The following PWWP2A variants were observed in gnomAD, a reference collection of about 807,000 sequenced individuals.
PWWP2A encodes the protein PWWP domain containing 2A.
Under a neutral mutation model 48.5 loss-of-function variants are expected in PWWP2A, and 18 were observed. The ratio of observed to expected loss-of-function variants is 0.37; its 90% CI spans 0.26 to 0.55. The LOEUF (loss-of-function observed/expected upper bound fraction) is 0.55. Ranked by LOEUF, PWWP2A falls within the 20% of genes least tolerant of loss-of-function variation. The pLI is 0.81. For missense variants in PWWP2A, 867 were observed against 976.4 expected (o/e 0.89, Z 1.49); for synonymous variants, 396 against 387.7 (o/e 1.02, Z -0.25).
chr5:160,068,427 T>G (rs1473174010), intron 2 of PWWP2A, among the ~76,000 whole-genome samples: 3 of 151,730 alleles, frequency 2.0e-5, no homozygotes, highest in African/African-American at 7.3e-5. Context: ...TGGTGAAACC[T>G]CGTCTCTACT....
downstream of PWWP2A, among the ~76,000 whole-genome samples, chr5:160,071,942 T>A (rs1009538125): frequency 6.6e-6 from 1 of 152,208 alleles, no homozygotes; most frequent in South Asian, 2.1e-4. Context: ...TATCTGTGGA[T>A]ACTCTGTACT....
intron 1 of PWWP2A, among the ~76,000 whole-genome samples, chr5:160,107,923 C>A (rs1302166383): frequency 6.6e-6 from 1 of 152,018 alleles, no homozygotes; most frequent in African/African-American, 2.4e-5. Flanking sequence ...ATTGTTTGAA[C>A]CCGAAAGGCG....
chr5:160,058,568 GC>G (rs1757609812), downstream of PWWP2A, among the ~76,000 whole-genome samples: 1 of 151,952 alleles, frequency 6.6e-6, no homozygotes, highest in Non-Finnish European at 1.5e-5. Flanking sequence ...CCACCACCAA[GC>G]CCGGCTAATT....
chr5:160,119,426 AGCG>A lies in PWWP2A; in HGVS notation c.-41_-39del, dbSNP rs1160856248. Reference sequence around the variant, plus strand: ...TTCTCCCTCCTCCAACTCCGGCTGCAGCGGCGGCGGCGACAGCGCTGCTTGGTT... The same window carrying A: ...TTCTCCCTCCTCCAACTCCGGCTGCAGCGGCGGCGACAGCGCTGCTTGGTT... On this transcript the variant is annotated 5_prime_UTR_variant, in exon 1 of 2. Coordinates refer to ENST00000307063, the MANE Select transcript of PWWP2A (RefSeq NM_001130864.2). 5.2e-6 allele frequency: 7 copies of A among 1,347,880 alleles called. No homozygotes were observed. The highest frequency in any genetic ancestry group is 4.1e-5 in the Admixed American group (1 of 24,618). 83.5% of individuals were successfully genotyped at this position (1,347,880 alleles called of 1,614,324 possible). A position where few individuals can be genotyped will look rare whatever the true frequency, so the allele number is the denominator to read the frequency against.
At chr5:160,096,873 C>A (rs1314157408) in intron 1 of PWWP2A, among the ~76,000 whole-genome samples, 1 of 152,178 alleles carries the variant, frequency 6.6e-6, no homozygotes, top group African/African-American at 2.4e-5. Flanking sequence ...CTTTTATCAA[C>A]TGTTTGTATC....
At chr5:160,084,638 C>T (rs570399431) in intron 2 of PWWP2A, among the ~76,000 whole-genome samples, 10 of 151,842 alleles carry the variant, frequency 6.6e-5, no homozygotes, top group South Asian at 2.1e-4. Flanking sequence ...ACCATGTTGC[C>T]GAAGCTGGTC....
chr5:160,107,746 C>T (rs1227605765), intron 1 of PWWP2A, among the ~76,000 whole-genome samples: 4 of 151,910 alleles, frequency 2.6e-5, no homozygotes, highest in East Asian at 1.9e-4. Flanking sequence ...AGGCCAGGCG[C>T]GGTGGCTCAT....
chr5:160,113,216 C>G (rs906179090), intron 1 of PWWP2A: 3 of 981,226 alleles, frequency 3.1e-6, no homozygotes, highest in Non-Finnish European at 3.6e-6. Context: ...CAATAATTTA[C>G]TATTTAGTAC....
intron 2 of PWWP2A, among the ~76,000 whole-genome samples, chr5:160,068,505 A>G (rs1753669526): frequency 6.6e-6 from 1 of 152,154 alleles, no homozygotes; most frequent in South Asian, 2.1e-4. Context: ...AGGCTGAGGC[A>G]GGAGAATCGT....
intron 2 of PWWP2A, chr5:160,080,786 C>G: frequency 6.7e-7 from 1 of 1,501,144 alleles, no homozygotes. Context: ...GTAGAAAAAA[C>G]CAAGTTAACA....
At chr5:160,072,195 T>G (rs548901110), downstream of PWWP2A, among the ~76,000 whole-genome samples, 1 of 152,342 alleles carries the variant, frequency 6.6e-6, no homozygotes, top group East Asian at 1.9e-4. Flanking sequence ...TTCCTCCTGT[T>G]GTGTGCAGAG....
At chr5:160,072,516 C>T (rs1446719251), downstream of PWWP2A, among the ~76,000 whole-genome samples, 1 of 152,144 alleles carries the variant, frequency 6.6e-6, no homozygotes, top group Non-Finnish European at 1.5e-5. Flanking sequence ...TTGCTTTCGC[C>T]CAGGAGTTTA....
chr5:160,068,428 C>A lies in PWWP2A; in HGVS notation c.*80-1557G>T, dbSNP rs58896301. Among the ~76,000 whole-genome samples, 26 of 151,834 alleles carry A rather than the reference C, an allele frequency of 1.7e-4. No individual in the cohort carries two copies. The East Asian group carries it at 5.1e-3, about 30-fold the overall frequency. On this transcript the variant is annotated intron_variant and NMD_transcript_variant, in intron 2 of 5. Transcript: ENST00000524050. Reference sequence around the variant, plus strand: ...CAGCCTGGCCAATGTGGTGAAACCTCGTCTCTACTAAAAATACAAAATTAG... The same window carrying A: ...CAGCCTGGCCAATGTGGTGAAACCTAGTCTCTACTAAAAATACAAAATTAG...
At chr5:160,045,513 CAT>C in the PWWP2A span, among the ~76,000 whole-genome samples, 2,249 of 50,154 alleles carry the variant, frequency 0.045, 36 homozygotes, top group Non-Finnish European at 0.054. Flanking sequence ...CACACACACA[CAT>C]ACACACTCTC....
At chr5:160,105,861 A>C (rs1727715693) in intron 1 of PWWP2A, 1 of 153,634 alleles carries the variant, frequency 6.5e-6, no homozygotes, top group Admixed American at 6.6e-5. Context: ...TCAGTCATCC[A>C]GCACTTACTA....
chr5:160,105,796 T>C (rs1180725138), intron 1 of PWWP2A: 1 of 189,638 alleles, frequency 5.3e-6, no homozygotes, highest in Non-Finnish European at 9.4e-6. Flanking sequence ...AAAAAAAAAA[T>C]TCCTCAAAGA....
rs1753983730 is a variant in PWWP2A at position 160,078,198 on chromosome 5, T to C, written c.1670-30A>G. The C allele has an allele frequency of 6.5e-7, 1 of 1,535,224 alleles. No individual in the cohort carries two copies. On this transcript the variant is annotated intron_variant, in intron 3 of 3. Transcript: ENST00000456329. The surrounding 1 kb of genome is among the most constrained non-coding windows in gnomAD (Gnocchi z 4.2). ...AATATAGTAAAGAAAAGGAAGAAAA[T>C]GTCGTTAAGCACAAGTAATTATATG...
intron 1 of PWWP2A, among the ~76,000 whole-genome samples, chr5:160,112,940 T>C (rs1198133204): frequency 6.6e-6 from 1 of 152,150 alleles, no homozygotes; most frequent in East Asian, 1.9e-4. Context: ...GAGGATTACC[T>C]GAGGTCAGGA....
At chr5:160,117,848 G>A in intron 1 of PWWP2A, 1 of 982,616 alleles carries the variant, frequency 1.0e-6, no homozygotes, top group Non-Finnish European at 1.2e-6. Flanking sequence ...ATTGCAAACA[G>A]GTGAGATACG....
Sources: allele counts gnomAD v4.1 joint callset (sites outside exome capture counted in the v4.1 genomes callset), GRCh38; gene constraint gnomAD v4.1.1; non-coding constraint Gnocchi (gnomAD v3.1); transcripts MANE v1.5; gene names NCBI Gene and HGNC (gene_info 2026-07-23, HGNC 2026-07-21).